HIP1: variants seen among roughly 807,000 people sequenced by gnomAD.
The protein encoded by HIP1 is huntingtin interacting protein 1.
HIP1 carries 65 observed loss-of-function variants against 147.6 expected under a neutral mutation model. The observed-to-expected ratio is 0.44, with a 90% CI of 0.36 to 0.54. The LOEUF (loss-of-function observed/expected upper bound fraction) is 0.54. Among genes scored for constraint, HIP1 ranks in the 20% least tolerant of loss-of-function variants. The pLI, the probability that HIP1 is intolerant of heterozygous loss-of-function variation, is 0.00. For synonymous variants in HIP1, 479 were observed against 504.0 expected, an observed-to-expected ratio of 0.95 and a Z score of 0.67; for missense variants, 1,061 against 1,299.6, an observed-to-expected ratio of 0.82 and a Z score of 2.82.
At chr7:75,581,424 A>G in intron 6 of HIP1, 126 bp from the exon 7 acceptor site, 1 of 673,296 alleles carries the variant, frequency 1.5e-6, no homozygotes, top group Non-Finnish European at 2.7e-6. Flanking sequence ...CACACACACA[A>G]CTCCAGCTCC....
intron 1 of HIP1, among the ~76,000 whole-genome samples, chr7:75,633,484 G>A (rs1368559744): frequency 1.3e-5 from 2 of 152,052 alleles, no homozygotes; most frequent in Non-Finnish European, 2.9e-5. Flanking sequence ...GTAGAGATGG[G>A]TTTCACCATG....
intron 2 of HIP1, among the ~76,000 whole-genome samples, chr7:75,595,236 CTTTCTTT>C (rs1563230227): frequency 4.4e-4 from 51 of 114,652 alleles, no homozygotes; most frequent in African/African-American, 1.7e-3. Context: ...TTCTTTCTTT[CTTTCTTT>C]CTTTCTTTCT....
intron 1 of HIP1, among the ~76,000 whole-genome samples, chr7:75,663,925 T>C (rs1459262867): frequency 1.1e-5 from 1 of 95,006 alleles, no homozygotes; most frequent in Admixed American, 1.2e-4. Context: ...CATTATTTTA[T>C]GTATGTGTGT....
chr7:75,709,977 T>G (rs915991187), intron 1 of HIP1, among the ~76,000 whole-genome samples: 25 of 152,188 alleles, frequency 1.6e-4, no homozygotes, highest in Non-Finnish European at 3.4e-4. Flanking sequence ...GCTCAAGTGA[T>G]TCTCCTGCCT....
In HIP1 at chr7:75,738,844, G is replaced by T. The variant is rs1802112453; in HGVS notation, c.77C>A (p.Ala26Asp). Residue 26 changes from alanine (A) to aspartate (D), a missense_variant, in exon 1 of 31, where the codon GCT becomes GAT. Physicochemically the swap from Ala to Asp is moderately radical, Grantham distance 126. Transcript: ENST00000336926. ...CTCGCGCTCCGCCGCCTCCAGCCCAGCGCCGACCCCGCGCCGGCTCAGCAC... is the reference window on the plus strand; with the variant it reads ...CTCGCGCTCCGCCGCCTCCAGCCCATCGCCGACCCCGCGCCGGCTCAGCAC... ...PKVLSRRGVG[A>D]GLEAAERESF... is the part of the protein sequence containing the mutation. The T allele has an allele frequency of 4.4e-6, 7 of 1,594,394 alleles. No homozygotes were observed. Among genetic ancestry groups the T allele is most frequent in the Non-Finnish European group, 6.0e-6 (7 of 1,172,406 alleles).
At chr7:75,708,521 G>A (rs563681464) in intron 1 of HIP1, among the ~76,000 whole-genome samples, 31 of 152,072 alleles carry the variant, frequency 2.0e-4, no homozygotes, top group Admixed American at 5.9e-4. Flanking sequence ...TTGAGTTAAT[G>A]TTTGTATATG....
At chr7:75,606,619 G>A (rs1797234739) in intron 1 of HIP1, among the ~76,000 whole-genome samples, 2 of 151,976 alleles carry the variant, frequency 1.3e-5, no homozygotes, top group African/African-American at 2.4e-5. Flanking sequence ...CTAGATGAGG[G>A]GAGGATAGCA....
intron 1 of HIP1, among the ~76,000 whole-genome samples, chr7:75,664,224 T>A (rs1044059622): frequency 3.5e-5 from 4 of 114,608 alleles, no homozygotes; most frequent in Non-Finnish European, 5.3e-5. Context: ...ATACATATAT[T>A]GTGTGTGTAT....
chr7:75,555,195 C>CGGGGGGGGGGTGG (rs371043786), intron 19 of HIP1, among the ~76,000 whole-genome samples: 1 of 23,602 alleles, frequency 4.2e-5, no homozygotes, highest in African/African-American at 1.1e-4. Context: ...AGCGGGGGGG[C>CGGGGGGGGGGTGG]GGGGGGGGGG....
chr7:75,658,626 C>T (rs999925430), intron 1 of HIP1, among the ~76,000 whole-genome samples: 31 of 152,032 alleles, frequency 2.0e-4, no homozygotes, highest in Admixed American at 2.6e-4. Context: ...GCTGTTAAAA[C>T]AGCAGGAGGC....
At chr7:75,615,648 C>A (rs913882570) in intron 1 of HIP1, among the ~76,000 whole-genome samples, 1 of 152,082 alleles carries the variant, frequency 6.6e-6, no homozygotes, top group Non-Finnish European at 1.5e-5. Flanking sequence ...TGTGCTTATG[C>A]CTGTAATCCC....
chr7:75,722,983 CCTGT>C (rs1186475709), intron 1 of HIP1, among the ~76,000 whole-genome samples: 2 of 152,128 alleles, frequency 1.3e-5, no homozygotes, highest in Admixed American at 6.6e-5. Flanking sequence ...GAAAGGGTGG[CCTGT>C]CTGTCTATGC....
chr7:75,538,284 C>G, intron 30 of HIP1, 60 bp from the exon 31 acceptor site: 1 of 1,304,960 alleles, frequency 7.7e-7, no homozygotes, highest in East Asian at 2.3e-5. Flanking sequence ...TTCACTTAAC[C>G]AACAAAACCT....
chr7:75,709,215 C>T (rs138942855), intron 1 of HIP1, among the ~76,000 whole-genome samples: 2,467 of 150,768 alleles, frequency 0.016, 32 homozygotes, highest in Non-Finnish European at 0.026. Context: ...TGGGTTCAAG[C>T]GATTCCCCTG....
At chr7:75,641,903 G>A (rs572427438) in intron 1 of HIP1, among the ~76,000 whole-genome samples, 2 of 152,090 alleles carry the variant, frequency 1.3e-5, no homozygotes, top group Non-Finnish European at 2.9e-5. Flanking sequence ...AACAATCCCC[G>A]CTCCCACTCC....
chr7:75,624,737 T>TA (rs1797975719), intron 1 of HIP1, among the ~76,000 whole-genome samples: 3 of 152,168 alleles, frequency 2.0e-5, no homozygotes, highest in African/African-American at 7.2e-5. Context: ...CTTTCCCAAA[T>TA]ACGTCCTGTC....
chr7:75,556,122 C>G lies in HIP1; in HGVS notation c.1731G>C (p.Arg577=). The change falls in exon 18 of 31, where the codon CGG becomes CGC. Residue 577 remains arginine (R), a synonymous_variant. Coordinates refer to ENST00000336926, the MANE Select transcript of HIP1 (RefSeq NM_005338.7). ...GAGCTGCGCCACTCACCAGGCTGTC[C>G]CGCTCCTTCTCTAGCTCGGCGAACT... ...AAEFAELEKE[R]DSLVSGAAHR... The G allele has an allele frequency of 1.2e-6, 2 of 1,614,160 alleles. No homozygotes were observed. Among genetic ancestry groups the G allele is most frequent in the Non-Finnish European group, 1.7e-6 (2 of 1,180,026 alleles).
intron 1 of HIP1, among the ~76,000 whole-genome samples, chr7:75,647,913 T>C (rs1052442177): frequency 2.0e-5 from 3 of 152,252 alleles, no homozygotes; most frequent in Non-Finnish European, 4.4e-5. Flanking sequence ...AGGTGAGTTC[T>C]ATGCTGGAAG....
chr7:75,644,884 G>T (rs990198948), intron 1 of HIP1, among the ~76,000 whole-genome samples: 1 of 152,184 alleles, frequency 6.6e-6, no homozygotes, highest in Non-Finnish European at 1.5e-5. Flanking sequence ...CATTCTCACC[G>T]GGCTTGCCTT....
Sources: allele counts gnomAD v4.1 joint callset (sites outside exome capture counted in the v4.1 genomes callset), GRCh38; gene constraint gnomAD v4.1.1; transcripts MANE v1.5; gene names NCBI Gene and HGNC (gene_info 2026-07-23, HGNC 2026-07-21).